The following NTRK3 variants were observed in gnomAD, a reference collection of about 807,000 sequenced individuals.
The protein encoded by NTRK3 is NT-3 growth factor receptor.
NTRK3 carries 24 observed loss-of-function variants against 91.7 expected under a neutral mutation model. That is an observed-to-expected ratio of 0.26 (90% CI 0.19 to 0.37). The LOEUF is 0.37. NTRK3 is among the 10% of genes least tolerant of loss of function. The pLI is 1.00. For synonymous variants in NTRK3, 483 were observed against 404.0 expected, an observed-to-expected ratio of 1.20 and a Z score of -2.34; for missense variants, 880 against 1,068.9, an observed-to-expected ratio of 0.82 and a Z score of 2.46.
rs1397405020 is a variant in NTRK3, at chr15:88,002,019, T to TA, written c.1585+30837dup. Among the ~76,000 whole-genome samples, 3 of 151,832 alleles carry TA rather than the reference T, an allele frequency of 2.0e-5. 1 individual carries two copies. Among genetic ancestry groups the TA allele is most frequent in the East Asian group, 1.9e-4 (1 of 5,184 alleles). On this transcript the variant is annotated intron_variant, in intron 14 of 18. Transcript: ENST00000394480. The stretch of plus-strand genomic sequence containing the variant: ...AATGATATTTGATTTAAAAATAGAG[T>TA]AAAAATGAGTATAGATATCTATGCA...
chr15:88,133,667 C>A (rs986432814), intron 10 of NTRK3, among the ~76,000 whole-genome samples: 24 of 152,192 alleles, frequency 1.6e-4, no homozygotes, highest in African/African-American at 5.6e-4. Context: ...AATATCTCTG[C>A]TCTAAAAGCC....
chr15:88,128,346 T>C (rs976025021), intron 11 of NTRK3, among the ~76,000 whole-genome samples: 2 of 152,204 alleles, frequency 1.3e-5, no homozygotes, highest in African/African-American at 4.8e-5. Flanking sequence ...AGCAGGTTTA[T>C]AGGTTCCATA....
intron 17 of NTRK3, among the ~76,000 whole-genome samples, chr15:87,886,083 A>G (rs993853525): frequency 5.9e-5 from 9 of 152,102 alleles, no homozygotes; most frequent in African/African-American, 2.2e-4. Context: ...AAATGGCCAC[A>G]AACATATGAA....
intron 16 of NTRK3, 75 bp downstream of exon 16, chr15:87,932,937 T>G: frequency 1.3e-6 from 2 of 1,504,340 alleles, no homozygotes; most frequent in African/African-American, 1.4e-5. Flanking sequence ...GGTAGTATAA[T>G]TTCTGGCTCC....
chr15:88,084,547 T>C (rs2048332171), intron 13 of NTRK3, among the ~76,000 whole-genome samples: 1 of 152,186 alleles, frequency 6.6e-6, no homozygotes, highest in Admixed American at 6.5e-5. Flanking sequence ...AGCTCAACTG[T>C]GGACTCTGGC....
At chr15:88,132,748 A>G (rs1313695388) in intron 10 of NTRK3, among the ~76,000 whole-genome samples, 1 of 152,132 alleles carries the variant, frequency 6.6e-6, no homozygotes, top group East Asian at 1.9e-4. Flanking sequence ...GACTCTCTTG[A>G]GCGTTTAAGC....
intron 17 of NTRK3, among the ~76,000 whole-genome samples, chr15:87,902,225 T>C (rs28394680): frequency 0.034 from 5,159 of 152,318 alleles, 309 homozygotes; most frequent in African/African-American, 0.12. Context: ...CTTTGCTTCC[T>C]GTGTCTTTCT....
intron 13 of NTRK3, among the ~76,000 whole-genome samples, chr15:88,054,263 G>A (rs948469287): frequency 1.3e-5 from 2 of 152,218 alleles, no homozygotes; most frequent in African/African-American, 2.4e-5. Flanking sequence ...TTGTTGGAAA[G>A]TTAATATAAG....
At chr15:88,173,747 C>T (rs1345094507) in intron 5 of NTRK3, among the ~76,000 whole-genome samples, 1 of 152,212 alleles carries the variant, frequency 6.6e-6, no homozygotes, top group Non-Finnish European at 1.5e-5. Flanking sequence ...CAGCTGGGTT[C>T]CTGAATTGAA....
At chr15:88,026,709 T>C (rs1434421163) in intron 14 of NTRK3, among the ~76,000 whole-genome samples, 3 of 152,182 alleles carry the variant, frequency 2.0e-5, no homozygotes, top group African/African-American at 7.2e-5. Flanking sequence ...ATGTTAATAA[T>C]AGAGAAAACT....
intron 3 of NTRK3, among the ~76,000 whole-genome samples, chr15:88,184,742 G>T (rs868381993): frequency 6.6e-6 from 1 of 152,128 alleles, no homozygotes; most frequent in Non-Finnish European, 1.5e-5. Context: ...AAAAAAGGAC[G>T]GGGTGGCCGG....
intron 15 of NTRK3, among the ~76,000 whole-genome samples, chr15:87,934,168 G>A (rs2069058084): frequency 6.6e-6 from 1 of 152,182 alleles, no homozygotes; most frequent in South Asian, 2.1e-4. Context: ...GGTCTGTGAA[G>A]AGGAGAGGCC....
At chr15:88,115,631 A>G (rs966811002) in intron 13 of NTRK3, among the ~76,000 whole-genome samples, 1 of 152,138 alleles carries the variant, frequency 6.6e-6, no homozygotes, top group Non-Finnish European at 1.5e-5. Flanking sequence ...TCAGGTAGAG[A>G]GGCTCGGCAT....
chr15:88,215,566 C>T (rs1474952229), intron 3 of NTRK3, among the ~76,000 whole-genome samples: 2 of 152,254 alleles, frequency 1.3e-5, no homozygotes, highest in East Asian at 3.9e-4. Context: ...CAGGCTGGGG[C>T]TGGGAGGAAA....
At chr15:88,159,273 A>G (rs1468117523) in intron 5 of NTRK3, among the ~76,000 whole-genome samples, 1 of 152,220 alleles carries the variant, frequency 6.6e-6, no homozygotes, top group Non-Finnish European at 1.5e-5. Context: ...CCTTTTCATA[A>G]AGAAATCTGA....
intron 17 of NTRK3, among the ~76,000 whole-genome samples, chr15:87,905,929 G>T (rs1485781601): frequency 6.6e-6 from 1 of 152,180 alleles, no homozygotes; most frequent in Non-Finnish European, 1.5e-5. Context: ...AGCAGCAGAA[G>T]TTGCTGTGCC....
At chr15:87,902,714 T>A (rs1308736267) in intron 17 of NTRK3, among the ~76,000 whole-genome samples, 1 of 152,122 alleles carries the variant, frequency 6.6e-6, no homozygotes, top group Non-Finnish European at 1.5e-5. Context: ...GAGTTTTCTG[T>A]CACAGCTGAA....
At position 88,045,492 on chromosome 15, in the gene NTRK3, C is replaced by A. The variant is rs189600158; in HGVS notation, c.1397-12447G>T. 9.8e-5 allele frequency among the ~76,000 whole-genome samples: 15 copies of A among 152,326 alleles called. 1 individual carries two copies. Among genetic ancestry groups the A allele is most frequent in the Non-Finnish European group, 4.4e-5 (3 of 68,032 alleles). On this transcript the variant is annotated intron_variant, in intron 13 of 18. Coordinates refer to ENST00000394480, the Ensembl canonical transcript of NTRK3. The stretch of plus-strand genomic sequence containing the variant: ...GTCCCTTTAAGAGAACAGGCAATTA[C>A]AAAATATACGTTGCCCCAAGTGCTA...
intron 14 of NTRK3, among the ~76,000 whole-genome samples, chr15:87,980,369 ATGTG>A (rs1180466608): frequency 5.6e-5 from 7 of 125,228 alleles, no homozygotes; most frequent in Admixed American, 1.6e-4. Flanking sequence ...ATGTGTTTCC[ATGTG>A]TGTATCTGTT....
Sources: allele counts gnomAD v4.1 joint callset (sites outside exome capture counted in the v4.1 genomes callset), GRCh38; gene constraint gnomAD v4.1.1; transcripts MANE v1.5; gene names NCBI Gene and HGNC (gene_info 2026-07-23, HGNC 2026-07-21).